SEL1L2: variants seen among roughly 807,000 people sequenced by gnomAD.
SEL1L2 encodes the protein protein sel-1 homolog 2.
SEL1L2 carries 89 observed loss-of-function variants against 98.8 expected under a neutral mutation model. The ratio of observed to expected loss-of-function variants is 0.90; its 90% CI spans 0.76 to 1.07. SEL1L2 has a LOEUF of 1.07. Ranked by LOEUF, SEL1L2 falls within the 50% of genes least tolerant of loss-of-function variation. SEL1L2 has a pLI of 0.00. For missense variants in SEL1L2, 788 were observed against 812.0 expected, an observed-to-expected ratio of 0.97 and a Z score of 0.36; for synonymous variants, 262 against 278.5, an observed-to-expected ratio of 0.94 and a Z score of 0.59.
chr20:13,875,310 G>A (rs2046383243), intron 12 of SEL1L2, among the ~76,000 whole-genome samples: 1 of 152,188 alleles, frequency 6.6e-6, no homozygotes, highest in Non-Finnish European at 1.5e-5. Flanking sequence ...TCACCATGTT[G>A]CCCAGGCTGG....
rs2048300570 is a variant in SEL1L2, at chr20:13,913,905, G to GT, written c.425dup (p.Asn142LysfsTer10). The GT allele has an allele frequency of 1.3e-6, 2 of 1,562,880 alleles. No homozygotes were observed. Among genetic ancestry groups the GT allele is most frequent in the Non-Finnish European group, 1.7e-6 (2 of 1,162,902 alleles). ...CAGCCATTTTCTCCATAGCTTTCAAGTTTCCCATGTCAGCTGCTTTGGCAA... is the reference window on the plus strand; with the variant it reads ...CAGCCATTTTCTCCATAGCTTTCAAGTTTTCCCATGTCAGCTGCTTTGGCAA... On this transcript the variant is annotated frameshift_variant, in exon 5 of 20. Coordinates refer to ENST00000284951, the MANE Select transcript of SEL1L2 (RefSeq NM_025229.2). LOFTEE classifies it high-confidence loss of function.
At chr20:13,935,623 T>G (rs1449235831) in intron 2 of SEL1L2, among the ~76,000 whole-genome samples, 2 of 149,792 alleles carry the variant, frequency 1.3e-5, no homozygotes, top group East Asian at 2.0e-4. Flanking sequence ...TGGAGCAGAG[T>G]GAGTGGGGTG....
chr20:13,886,199 G>T, intron 9 of SEL1L2, 89 bp downstream of exon 9: 1 of 898,738 alleles, frequency 1.1e-6, no homozygotes, highest in Non-Finnish European at 1.7e-6. Flanking sequence ...TTTAGGATGG[G>T]GCATTGTTCA....
At chr20:13,936,743 A>G (rs903918802) in intron 2 of SEL1L2, among the ~76,000 whole-genome samples, 9 of 152,190 alleles carry the variant, frequency 5.9e-5, no homozygotes, top group African/African-American at 2.2e-4. Context: ...CTCTATGTAT[A>G]TTAAGCCCTT....
chr20:13,974,388 G>T (rs766389182), intron 1 of SEL1L2, among the ~76,000 whole-genome samples: 4 of 151,686 alleles, frequency 2.6e-5, no homozygotes, highest in Non-Finnish European at 5.9e-5. Flanking sequence ...GTATATGGTG[G>T]TAGTGGCGGT....
chr20:13,953,323 A>G (rs976004409), intron 2 of SEL1L2, among the ~76,000 whole-genome samples: 15 of 152,038 alleles, frequency 9.9e-5, no homozygotes, highest in African/African-American at 3.4e-4. Context: ...CAAACTCCAA[A>G]TGGTCATGCA....
intron 1 of SEL1L2, among the ~76,000 whole-genome samples, chr20:13,975,457 A>G (rs954692875): frequency 6.6e-6 from 1 of 152,222 alleles, no homozygotes; most frequent in Middle Eastern, 3.2e-3. Context: ...ACTTAAAATA[A>G]CAGAGGTAAT....
At chr20:13,887,643 TATAAC>T (rs1359079611) in intron 8 of SEL1L2, 121 bp downstream of exon 8, 1 of 649,228 alleles carries the variant, frequency 1.5e-6, no homozygotes, top group South Asian at 2.0e-5. Context: ...AGAATTGTAT[TATAAC>T]ATATTAAAAA....
At chr20:13,870,074 T>A in intron 13 of SEL1L2, 67 bp downstream of exon 13, 1 of 1,137,980 alleles carries the variant, frequency 8.8e-7, no homozygotes, top group Admixed American at 2.0e-5. Flanking sequence ...TTTAAACTAA[T>A]GAATGACCAT....
chr20:13,874,171 A>G (rs936194565), intron 12 of SEL1L2, among the ~76,000 whole-genome samples: 1 of 152,210 alleles, frequency 6.6e-6, no homozygotes, highest in Non-Finnish European at 1.5e-5. Context: ...GTGGTCCAAC[A>G]TGGGCACAAC....
rs1439872602 is a variant in SEL1L2 at position 13,859,271 on chromosome 20, G to A, written c.1809C>T (p.Gly603=). The change falls in exon 18 of 20, where the codon GGC becomes GGT. Residue 603 remains glycine, a synonymous_variant. Coordinates refer to ENST00000284951, the MANE Select transcript of SEL1L2 (RefSeq NM_025229.2). ...NLAYMYEHGL[G]ITKDIHLARR... is the part of the protein sequence containing the mutation. Reference sequence around the variant, plus strand: ...TTACCAGCAAAATTACCTTTGTGATGCCTAAGCCGTGTTCATACATATAAG... The same window carrying A: ...TTACCAGCAAAATTACCTTTGTGATACCTAAGCCGTGTTCATACATATAAG... The A allele has an allele frequency of 6.2e-7, 1 of 1,613,962 alleles. No individual in the cohort carries two copies.
rs755155271 is a variant in SEL1L2 at position 13,849,545 on chromosome 20, T to G, written c.2007A>C (p.Leu669Phe). The G allele has an allele frequency of 2.2e-5, 35 of 1,613,970 alleles. No homozygotes were observed. Residue 669 changes from leucine to phenylalanine, a missense_variant, in exon 20 of 20, where the codon TTA (leucine) becomes TTC (phenylalanine). Coordinates refer to ENST00000284951, the MANE Select transcript of SEL1L2 (RefSeq NM_025229.2). ...LDNTIGPHWD[L>F]FVIGLIVPGL... Reference sequence around the variant, plus strand: ...CAGGAACAATGAGGCCAATCACAAATAAGTCCCAGTGTGGTCCAATGGTGT... The same window carrying G: ...CAGGAACAATGAGGCCAATCACAAAGAAGTCCCAGTGTGGTCCAATGGTGT...
At chr20:13,881,565 T>C (rs146919627) in intron 10 of SEL1L2, among the ~76,000 whole-genome samples, 64 of 152,354 alleles carry the variant, frequency 4.2e-4, no homozygotes, top group African/African-American at 1.4e-3. Flanking sequence ...TTAAAATCTA[T>C]GTGTAGAAAA....
chr20:13,888,355 A>C, intron 6 of SEL1L2, 104 bp downstream of exon 6: 2 of 766,084 alleles, frequency 2.6e-6, no homozygotes, highest in Middle Eastern at 3.0e-4. Context: ...GGTGTTTTCA[A>C]CTACTACACT....
chr20:13,932,169 C>T (rs2049173629), intron 2 of SEL1L2, among the ~76,000 whole-genome samples: 2 of 151,982 alleles, frequency 1.3e-5, no homozygotes, highest in Admixed American at 1.3e-4. Flanking sequence ...GTGGAAAGTA[C>T]AGAAAATCTT....
intron 2 of SEL1L2, among the ~76,000 whole-genome samples, chr20:13,941,401 G>A (rs183156216): frequency 3.3e-5 from 5 of 152,170 alleles, no homozygotes; most frequent in South Asian, 2.1e-4. Flanking sequence ...TGCCTTCCCC[G>A]GGTTTCTGGC....
At chr20:13,987,311 GTTTTT>G (rs67919960) in intron 1 of SEL1L2, among the ~76,000 whole-genome samples, 59 of 132,222 alleles carry the variant, frequency 4.5e-4, no homozygotes, top group African/African-American at 5.7e-4. Context: ...TTAATTTACT[GTTTTT>G]TTTTTTTTTT....
At chr20:13,880,600 TCATCCATC>T (rs35310861) in intron 10 of SEL1L2, among the ~76,000 whole-genome samples, 126 of 149,736 alleles carry the variant, frequency 8.4e-4, no homozygotes, top group Non-Finnish European at 1.4e-3. Flanking sequence ...GATCAAGTAC[TCATCCATC>T]CATCCATCCA....
chr20:13,858,192 T>C (rs763588190), intron 18 of SEL1L2, among the ~76,000 whole-genome samples: 14 of 152,196 alleles, frequency 9.2e-5, no homozygotes, highest in Non-Finnish European at 1.6e-4. Context: ...TGTGCACCAC[T>C]AGCAGTTCTC....
Sources: allele counts gnomAD v4.1 joint callset (sites outside exome capture counted in the v4.1 genomes callset), GRCh38; gene constraint gnomAD v4.1.1; transcripts MANE v1.5; gene names NCBI Gene and HGNC (gene_info 2026-07-23, HGNC 2026-07-21).